The following SRRM2 variants were observed in gnomAD, a reference collection of about 807,000 sequenced individuals.
SRRM2 encodes the protein serine/arginine repetitive matrix 2, also known as serine/arginine repetitive matrix protein 2.
SRRM2 carries 30 observed loss-of-function variants against 213.8 expected under a neutral mutation model. That is an observed-to-expected ratio of 0.14 (90% CI 0.10 to 0.19). SRRM2 has a LOEUF of 0.19. Ranked by LOEUF, SRRM2 falls within the 10% of genes least tolerant of loss-of-function variation. The probability of loss-of-function intolerance (pLI) is 1.00; values close to 1 mark genes in which losing one functional copy is unlikely to be tolerated. For synonymous variants in SRRM2, 2,025 were observed against 1,377.7 expected (o/e 1.47, Z -10.40); for missense variants, 4,904 against 3,647.0 (o/e 1.34, Z -8.88).
rs145687108 is a variant in SRRM2, at chr16:2,767,567, A to G, written c.7039A>G (p.Thr2347Ala). 34 of 1,614,004 alleles carry G rather than the reference A, an allele frequency of 2.1e-5. No homozygotes were observed. The African/African-American group carries it at 4.0e-4, about 19-fold the overall frequency. Residue 2347 changes from threonine to alanine, a missense_variant, in exon 11 of 15, where the codon ACA becomes GCA. Physicochemically the swap from Thr to Ala is moderately conservative, Grantham distance 58 (BLOSUM62 0). Transcript: ENST00000301740. ...GGTGGGTCCTCGGTCTGCACATGCC[A>G]CAGCTCCTGTGAATATTGCCGGCTC... ...NLVGPRSAHA[T>A]APVNIAGSRT...
In SRRM2 at chr16:2,757,817, G is replaced by T. The variant is rs533283218; in HGVS notation, c.387G>T (p.Glu129Asp). 1 of 1,614,086 alleles carries T rather than the reference G, an allele frequency of 6.2e-7. No individual in the cohort carries two copies. Among genetic ancestry groups the T allele is most frequent in the Non-Finnish European group, 8.5e-7 (1 of 1,179,974 alleles). Residue 129 changes from glutamate (E) to aspartate (D), a missense_variant, in exon 4 of 15, where the codon GAG becomes GAT. Transcript: ENST00000301740. ...TETHQLAELNEKKNERLRAAF... is the reference protein window; with the variant it reads ...TETHQLAELNDKKNERLRAAF... ...CTCACCAGTTGGCAGAATTAAATGA[G>T]AAGAAGAATGAAAGACTCCGTGCTG... is the stretch of plus-strand genomic sequence containing the variant.
Position 2,762,951 on chromosome 16 carries a change from C to T in SRRM2, c.2423C>T (p.Ser808Phe). 6.2e-7 allele frequency: 1 copy of T among 1,610,452 alleles called. No homozygotes were observed. The highest frequency in any genetic ancestry group is 8.5e-7 in the Non-Finnish European group (1 of 1,176,834). Residue 808 changes from serine to phenylalanine, a missense_variant, in exon 11 of 15, where the codon TCT (serine) becomes TTT (phenylalanine). Coordinates refer to ENST00000301740, the MANE Select transcript of SRRM2 (RefSeq NM_016333.4). ...RSGSSQPKAK[S>F]RTPPRRSRSS... ...GGATCCTCCCAACCTAAAGCTAAAT[C>T]TAGAACGCCACCCAGACGCAGTCGC...
At position 2,757,761 on chromosome 16, in the gene SRRM2, T is replaced by C; in HGVS notation, c.351-20T>C. 6.2e-7 allele frequency: 1 copy of C among 1,612,018 alleles called. No individual in the cohort carries two copies. On this transcript the variant is annotated intron_variant, in intron 3 of 14. Coordinates refer to ENST00000301740, the MANE Select transcript of SRRM2 (RefSeq NM_016333.4). ...CTGTCCTTTATATTTCCTTCAGACT[T>C]TTGCCCTTCTTTTCTCTAGGGTCAC...
chr16:2,764,209 T>C lies in SRRM2; in HGVS notation c.3681T>C (p.Ser1227=), dbSNP rs752113525. The change falls in exon 11 of 15, where the codon AGT becomes AGC. Residue 1227 remains serine, a synonymous_variant. Transcript: ENST00000301740. The part of the protein sequence containing the change: ...GSSPETKEQN[S]ALPTSSQDEE... ...CTCCAGAAACAAAAGAGCAAAATAG[T>C]GCATTGCCTACGTCAAGCCAAGATG... 1.2e-6 allele frequency: 2 copies of C among 1,614,196 alleles called. No individual in the cohort carries two copies. The highest frequency in any genetic ancestry group is 1.7e-6 in the Non-Finnish European group (2 of 1,180,046).
At chr16:2,759,084 T>C (rs1314382487) in intron 6 of SRRM2, 37 bp downstream of exon 6, 13 of 1,614,070 alleles carry the variant, frequency 8.1e-6, no homozygotes, top group Non-Finnish European at 1.1e-5. Flanking sequence ...TGGAGAAGGT[T>C]TGCTGAATTC....
Position 2,763,583 on chromosome 16 carries a change from G to C in SRRM2, c.3055G>C (p.Glu1019Gln). ...LSGSKSPCPQ[E>Q]KSKDSLVQSC... ...TGGATCAAAGTCACCATGTCCCCAA[G>C]AGAAGTCTAAAGACTCACTAGTTCA... is the stretch of plus-strand genomic sequence containing the variant. The change falls in exon 11 of 15, where the codon GAG becomes CAG. Residue 1019 changes from glutamate (E) to glutamine (Q), a missense_variant. Coordinates refer to ENST00000301740, the MANE Select transcript of SRRM2 (RefSeq NM_016333.4). The C allele has an allele frequency of 6.2e-7, 1 of 1,614,136 alleles. No individual in the cohort carries two copies. Among genetic ancestry groups the C allele is most frequent in the Non-Finnish European group, 8.5e-7 (1 of 1,180,034 alleles).
chr16:2,761,052 A>G (rs1197248932), intron 10 of SRRM2, among the ~76,000 whole-genome samples: 1 of 152,214 alleles, frequency 6.6e-6, no homozygotes, highest in Non-Finnish European at 1.5e-5. Context: ...AAACTTAACT[A>G]CTTCCTTATT....
rs774509821 is a variant in SRRM2, at chr16:2,762,528, G to A, written c.2000G>A (p.Gly667Asp). 6.2e-7 allele frequency: 1 copy of A among 1,614,004 alleles called. No homozygotes were observed. The highest frequency in any genetic ancestry group is 1.7e-5 in the Admixed American group (1 of 60,012). ...CGCTCCAGAACCCCAGCCAGACGTG[G>A]CCGCTCACGCTCTAGAACCCCAGCT... ...RSRSRTPARRGRSRSRTPARR... is the reference protein window; with the variant it reads ...RSRSRTPARRDRSRSRTPARR... The change falls in exon 11 of 15, where the codon GGC (glycine) becomes GAC (aspartate). Residue 667 changes from glycine to aspartate, a missense_variant. Coordinates refer to ENST00000301740, the MANE Select transcript of SRRM2 (RefSeq NM_016333.4).
In SRRM2 at chr16:2,761,904, C is replaced by T. The variant is rs774179580; in HGVS notation, c.1376C>T (p.Ser459Phe). 3.1e-6 allele frequency: 5 copies of T among 1,613,594 alleles called. No individual in the cohort carries two copies. Among genetic ancestry groups the T allele is most frequent in the South Asian group, 1.1e-5 (1 of 91,082 alleles). Residue 459 changes from serine to phenylalanine, a missense_variant, in exon 11 of 15, where the codon TCT becomes TTT. By Grantham distance (155) the Ser-to-Phe change is radical (BLOSUM62 -2). Transcript: ENST00000301740. Reference protein sequence around the residue: ...SHREISSSPTSKNRSHGRAKR... With the variant: ...SHREISSSPTFKNRSHGRAKR... Reference sequence around the variant, plus strand: ...CGAGAGATTTCTTCTTCTCCCACATCTAAGAATCGCTCACATGGCCGAGCA... The same window carrying T: ...CGAGAGATTTCTTCTTCTCCCACATTTAAGAATCGCTCACATGGCCGAGCA...
chr16:2,760,267 C>G (rs1208831088), intron 9 of SRRM2, 34 bp from the exon 10 acceptor site: 1 of 1,598,914 alleles, frequency 6.3e-7, no homozygotes, highest in East Asian at 2.2e-5. Flanking sequence ...AGCTGATTTC[C>G]TTCCTCTCCC....
rs763909613 is a variant in SRRM2, at chr16:2,769,046, C to T, written c.7783C>T (p.Pro2595Ser). 9 of 1,614,148 alleles carry T rather than the reference C, an allele frequency of 5.6e-6. No individual in the cohort carries two copies. The highest frequency in any genetic ancestry group is 2.2e-5 in the East Asian group (1 of 44,880). The change falls in exon 12 of 15, where the codon CCT (proline) becomes TCT (serine). Residue 2595 changes from proline to serine, a missense_variant. Pro to Ser is a moderately conservative substitution (Grantham distance 74, BLOSUM62 -1). Transcript: ENST00000301740. ...APKEAVREGRPPEPTPAKRKR... is the reference protein window; with the variant it reads ...APKEAVREGRSPEPTPAKRKR... The stretch of plus-strand genomic sequence containing the variant: ...AAAGGAGGCTGTTCGAGAGGGACGT[C>T]CTCCGGAGCCAACCCCAGCCAAACG...
rs551244555 is a variant in SRRM2 at position 2,767,930 on chromosome 16, C to T, written c.7402C>T (p.Pro2468Ser). ...CCGTTGTTTGATTGCCCAGACCACC[C>T]CTGTAGCAGGGTCTCAGTCCCTTTC... is the stretch of plus-strand genomic sequence containing the variant. Reference protein sequence around the residue: ...QSRCLIAQTTPVAGSQSLSSG... With the variant: ...QSRCLIAQTTSVAGSQSLSSG... Residue 2468 changes from proline to serine, a missense_variant, in exon 11 of 15, where the codon CCT becomes TCT. By Grantham distance (74) the Pro-to-Ser change is moderately conservative (BLOSUM62 -1). Transcript: ENST00000301740. 29 of 1,614,104 alleles carry T rather than the reference C, an allele frequency of 1.8e-5. No individual in the cohort carries two copies. In the South Asian group the frequency reaches 3.0e-4, roughly 16 times the overall value.
At position 2,765,751 on chromosome 16, in the gene SRRM2, T is replaced by C; in HGVS notation, c.5223T>C (p.Ser1741=). The stretch of plus-strand genomic sequence containing the variant: ...CGGAGCCAGCCGAAAAATCGAGGTC[T>C]TCACGCCGACGGCGCTCAGCTTCAT... The part of the protein sequence containing the change: ...SSPEPAEKSR[S]SRRRRSASSP... The change falls in exon 11 of 15, where the codon TCT becomes TCC. Residue 1741 remains serine, a synonymous_variant. Coordinates refer to ENST00000301740, the MANE Select transcript of SRRM2 (RefSeq NM_016333.4). 6.2e-7 allele frequency: 1 copy of C among 1,614,094 alleles called. No individual in the cohort carries two copies. Among genetic ancestry groups the C allele is most frequent in the Non-Finnish European group, 8.5e-7 (1 of 1,180,020 alleles).
At chr16:2,754,247 C>G (rs143623736) in intron 1 of SRRM2, among the ~76,000 whole-genome samples, 259 of 151,992 alleles carry the variant, frequency 1.7e-3, no homozygotes, top group African/African-American at 6.1e-3. Context: ...TAAAAGTTCT[C>G]CGAAACATTG....
chr16:2,769,083 C>T lies in SRRM2; in HGVS notation c.7820C>T (p.Ser2607Phe). The change falls in exon 12 of 15, where the codon TCT (serine) becomes TTT (phenylalanine). Residue 2607 changes from serine (S) to phenylalanine (F), a missense_variant. Physicochemically the swap from Ser to Phe is radical, Grantham distance 155. Transcript: ENST00000301740. Reference protein sequence around the residue: ...EPTPAKRKRRSSSSSSSSSSS... With the variant: ...EPTPAKRKRRFSSSSSSSSSS... Reference sequence around the variant, plus strand: ...ACCCCAGCCAAACGGAAGAGGCGCTCTAGCAGTTCCAGTTCCAGCTCCTCC... The same window carrying T: ...ACCCCAGCCAAACGGAAGAGGCGCTTTAGCAGTTCCAGTTCCAGCTCCTCC... The T allele has an allele frequency of 6.2e-7, 1 of 1,614,096 alleles. No individual in the cohort carries two copies. The highest frequency in any genetic ancestry group is 8.5e-7 in the Non-Finnish European group (1 of 1,180,024).
Position 2,765,930 on chromosome 16 carries a change from G to T in SRRM2, c.5402G>T (p.Arg1801Ile), listed in dbSNP as rs532634478. Residue 1801 changes from arginine (R) to isoleucine (I), a missense_variant, in exon 11 of 15, where the codon AGA (arginine) becomes ATA (isoleucine). Transcript: ENST00000301740. ...SGSSQSTSRR[R>I]QRSRSRSRVT... ...TCTTCTCAGTCAACCTCTCGGCGAA[G>T]ACAGCGGAGCCGGTCAAGGTCGCGG... is the stretch of plus-strand genomic sequence containing the variant. The T allele has an allele frequency of 1.2e-6, 2 of 1,614,228 alleles. No homozygotes were observed. The highest frequency in any genetic ancestry group is 2.7e-5 in the African/African-American group (2 of 75,060).
rs767469667 is a variant in SRRM2 at position 2,767,398 on chromosome 16, C to T, written c.6870C>T (p.Pro2290=). The change falls in exon 11 of 15, where the codon CCC becomes CCT. Residue 2290 remains proline (P), a synonymous_variant. Coordinates refer to ENST00000301740, the MANE Select transcript of SRRM2 (RefSeq NM_016333.4). ...SAVNLADPRT[P]TAPAVNLAGA... is the part of the protein sequence containing the mutation. ...TGAACCTGGCTGACCCTCGCACTCC[C>T]ACAGCCCCAGCTGTGAACCTAGCAG... 5.0e-6 allele frequency: 8 copies of T among 1,613,920 alleles called. No individual in the cohort carries two copies. Among genetic ancestry groups the T allele is most frequent in the Non-Finnish European group, 6.8e-6 (8 of 1,180,046 alleles).
rs757877879 is a variant in SRRM2, at chr16:2,766,901, A to G, written c.6373A>G (p.Thr2125Ala). Residue 2125 changes from threonine (T) to alanine (A), a missense_variant, in exon 11 of 15, where the codon ACA (threonine) becomes GCA (alanine). Physicochemically the swap from Thr to Ala is moderately conservative, Grantham distance 58 (BLOSUM62 0). Coordinates refer to ENST00000301740, the MANE Select transcript of SRRM2 (RefSeq NM_016333.4). The surrounding 1 kb of genome is among the most constrained non-coding windows in gnomAD (Gnocchi z 7.0). ...SCFSRPSMSP[T>A]PLDRCRSPGM... ...CTTCAGTCGTCCTAGCATGTCCCCA[A>G]CACCTCTTGATCGCTGCAGATCACC... is the stretch of plus-strand genomic sequence containing the variant. 1.2e-6 allele frequency: 2 copies of G among 1,613,970 alleles called. No individual in the cohort carries two copies. The highest frequency in any genetic ancestry group is 1.7e-6 in the Non-Finnish European group (2 of 1,179,974).
Position 2,762,514 on chromosome 16 carries a change from C to T in SRRM2, c.1986C>T (p.Thr662=), listed in dbSNP as rs149702523. 2 of 1,613,454 alleles carry T rather than the reference C, an allele frequency of 1.2e-6. No individual in the cohort carries two copies. The highest frequency in any genetic ancestry group is 1.3e-5 in the African/African-American group (1 of 74,932). Residue 662 remains threonine (T), a synonymous_variant, in exon 11 of 15, where the codon ACC becomes ACT. Coordinates refer to ENST00000301740, the MANE Select transcript of SRRM2 (RefSeq NM_016333.4). ...PARRGRSRSR[T]PARRGRSRSR... ...GACGTGGCCGCTCACGCTCCAGAAC[C>T]CCAGCCAGACGTGGCCGCTCACGCT... is the stretch of plus-strand genomic sequence containing the variant.
Sources: allele counts gnomAD v4.1 joint callset (sites outside exome capture counted in the v4.1 genomes callset), GRCh38; gene constraint gnomAD v4.1.1; non-coding constraint Gnocchi (gnomAD v3.1); transcripts MANE v1.5; gene names NCBI Gene and HGNC (gene_info 2026-07-23, HGNC 2026-07-21).